ST14: variants seen among roughly 807,000 people sequenced by gnomAD.
ST14 encodes the protein suppressor of tumorigenicity 14 protein.
Under a neutral mutation model 96.5 loss-of-function variants are expected in ST14, and 40 were observed. The ratio of observed to expected loss-of-function variants is 0.41; its 90% CI spans 0.32 to 0.54. The LOEUF is 0.54. Among genes scored for constraint, ST14 ranks in the 20% least tolerant of loss-of-function variants. ST14 has a pLI of 0.17. For missense variants in ST14, 1,066 were observed against 1,188.9 expected (o/e 0.90, Z 1.52); for synonymous variants, 506 against 492.1 (o/e 1.03, Z -0.37).
intron 1 of ST14, among the ~76,000 whole-genome samples, chr11:130,173,119 A>G (rs1953108215): frequency 6.6e-6 from 1 of 152,176 alleles, no homozygotes; most frequent in Admixed American, 6.5e-5. Context: ...AAGTGGGTTA[A>G]TAACCACTTA....
At chr11:130,194,119 C>T in intron 7 of ST14, 30 bp from the exon 8 acceptor site, 1 of 1,614,124 alleles carries the variant, frequency 6.2e-7, no homozygotes, top group Non-Finnish European at 8.5e-7. Context: ...TCTGTCTGCT[C>T]TTCCTAATGC....
chr11:130,204,454 G>C (rs1274534786), intron 16 of ST14, among the ~76,000 whole-genome samples: 1 of 152,194 alleles, frequency 6.6e-6, no homozygotes, highest in East Asian at 1.9e-4. Context: ...ATTGGGCATA[G>C]CCTAGGTTGG....
At position 130,188,944 on chromosome 11, in the gene ST14, G is replaced by T. The variant is rs749543571; in HGVS notation, c.440+5G>T. On this transcript the variant is annotated splice_donor_5th_base_variant and intron_variant, in intron 4 of 18. Transcript: ENST00000278742. This position sits in a 1 kb window ranked among gnomAD's most constrained non-coding sequence, Gnocchi z 5.4. ...GTCGGCTGTGACGGCCTTCAGGTGG[G>T]TGTGGAGAGAAGGCTCAGTGGGATG... The T allele has an allele frequency of 6.2e-7, 1 of 1,607,972 alleles. No individual in the cohort carries two copies. The highest frequency in any genetic ancestry group is 8.5e-7 in the Non-Finnish European group (1 of 1,177,654).
rs749533787 is a variant in ST14, at chr11:130,197,861, T to A, written c.1375T>A (p.Cys459Ser). 1 of 1,586,986 alleles carries A rather than the reference T, an allele frequency of 6.3e-7. No individual in the cohort carries two copies. Among genetic ancestry groups the A allele is most frequent in the Non-Finnish European group, 8.5e-7 (1 of 1,170,336 alleles). ...SSDPCPGQFT[C>S]RTGRCIRKEL... Reference sequence around the variant, plus strand: ...CGCAGCATGCCCGGGGCAGTTCACGTGCCGCACGGGGCGGTGTATCCGGAA... The same window carrying A: ...CGCAGCATGCCCGGGGCAGTTCACGAGCCGCACGGGGCGGTGTATCCGGAA... Residue 459 changes from cysteine (C) to serine (S), a missense_variant, in exon 12 of 19, where the codon TGC becomes AGC. By Grantham distance (112) the Cys-to-Ser change is moderately radical (BLOSUM62 -1). Transcript: ENST00000278742.
In ST14 at chr11:130,207,668, G is replaced by A. The variant is rs567660010; in HGVS notation, c.1995-742G>A. Among the ~76,000 whole-genome samples the A allele has an allele frequency of 5.3e-5, 8 of 152,364 alleles. No individual in the cohort carries two copies. In the South Asian group the frequency reaches 8.3e-4, roughly 16 times the overall value. On this transcript the variant is annotated intron_variant, in intron 16 of 18. Coordinates refer to ENST00000278742, the MANE Select transcript of ST14 (RefSeq NM_021978.4). ...GGTGGGCTCCGGCTCTGCAGTGCAC[G>A]TGGAAAAGCTTCTGAATTGCTAAAC... is the stretch of plus-strand genomic sequence containing the variant.
chr11:130,189,920 G>A (rs1051203004), intron 5 of ST14, 24 bp downstream of exon 5: 3 of 1,613,410 alleles, frequency 1.9e-6, no homozygotes, highest in Non-Finnish European at 2.5e-6. Flanking sequence ...CCAGGGGTGG[G>A]CGTGGGACTG....
At chr11:130,207,805 G>T (rs765935783) in intron 16 of ST14, among the ~76,000 whole-genome samples, 6 of 152,228 alleles carry the variant, frequency 3.9e-5, no homozygotes, top group Non-Finnish European at 8.8e-5. Context: ...GGGCGTGGTG[G>T]CTCACGCCTG....
chr11:130,163,217 C>T (rs1953012071), intron 1 of ST14, among the ~76,000 whole-genome samples: 1 of 152,156 alleles, frequency 6.6e-6, no homozygotes, highest in South Asian at 2.1e-4. Context: ...CTGCCAAACA[C>T]AGGGAAGTGC....
At chr11:130,182,157 A>G (rs1230183196) in intron 1 of ST14, among the ~76,000 whole-genome samples, 1 of 152,252 alleles carries the variant, frequency 6.6e-6, no homozygotes, top group African/African-American at 2.4e-5. Flanking sequence ...TGCCTTCTTT[A>G]TATAACACGG....
intron 16 of ST14, among the ~76,000 whole-genome samples, chr11:130,203,048 T>C (rs1953447546): frequency 6.6e-6 from 1 of 152,156 alleles, no homozygotes; most frequent in African/African-American, 2.4e-5. Flanking sequence ...AGTCTGCTGA[T>C]AGAATCAAAT....
intron 6 of ST14, 74 bp from the exon 7 acceptor site, chr11:130,190,380 G>T: frequency 6.3e-7 from 1 of 1,593,850 alleles, no homozygotes; most frequent in Non-Finnish European, 8.5e-7. Flanking sequence ...CCACACCCAC[G>T]GGGTCTCAGG....
chr11:130,205,348 G>A (rs1442105705), intron 16 of ST14, among the ~76,000 whole-genome samples: 3 of 152,098 alleles, frequency 2.0e-5, no homozygotes, highest in Non-Finnish European at 2.9e-5. Flanking sequence ...GCCTGGTCTC[G>A]AACTCGTGAC....
intron 1 of ST14, among the ~76,000 whole-genome samples, chr11:130,171,185 TG>T (rs1953089363): frequency 6.6e-6 from 1 of 152,192 alleles, no homozygotes; most frequent in Non-Finnish European, 1.5e-5. Flanking sequence ...ACCTGATGAG[TG>T]TGGATGTATG....
chr11:130,170,275 G>A (rs1359454415), intron 1 of ST14, among the ~76,000 whole-genome samples: 1 of 152,114 alleles, frequency 6.6e-6, no homozygotes, highest in African/African-American at 2.4e-5. Flanking sequence ...TTGGTTGAGG[G>A]CACTTGGCAA....
At chr11:130,165,242 T>C (rs376768273) in intron 1 of ST14, among the ~76,000 whole-genome samples, 2 of 152,150 alleles carry the variant, frequency 1.3e-5, no homozygotes, top group African/African-American at 4.8e-5. Flanking sequence ...ATACTAAAGG[T>C]TGACAATTCA....
chr11:130,167,180 C>T (rs1953048763), intron 1 of ST14, among the ~76,000 whole-genome samples: 1 of 152,186 alleles, frequency 6.6e-6, no homozygotes, highest in African/African-American at 2.4e-5. Flanking sequence ...CATTGCACTC[C>T]AGCCTGGGTG....
intron 11 of ST14, among the ~76,000 whole-genome samples, chr11:130,197,424 A>G (rs1227822265): frequency 1.3e-5 from 2 of 152,256 alleles, no homozygotes; most frequent in Non-Finnish European, 2.9e-5. Flanking sequence ...GCGATGCCGC[A>G]CTACATTTGG....
In ST14 at chr11:130,188,465, G is replaced by A; in HGVS notation, c.242-65G>A. On this transcript the variant is annotated intron_variant, in intron 2 of 18. Coordinates refer to ENST00000278742, the MANE Select transcript of ST14 (RefSeq NM_021978.4). The surrounding 1 kb of genome is among the most constrained non-coding windows in gnomAD (Gnocchi z 5.4). The stretch of plus-strand genomic sequence containing the variant: ...CTCCTGGCATTCATTCCCCATTGTG[G>A]ACGGCGAGGGACAGGCGGGGGTGGT... 6.2e-7 allele frequency: 1 copy of A among 1,610,928 alleles called. No homozygotes were observed. The highest frequency in any genetic ancestry group is 2.2e-5 in the East Asian group (1 of 44,854).
At chr11:130,160,102 C>A in intron 1 of ST14, 42 bp downstream of exon 1, 2 of 1,321,182 alleles carry the variant, frequency 1.5e-6, no homozygotes, top group Non-Finnish European at 2.0e-6. Flanking sequence ...GAAGCTCCTG[C>A]CCGCCCGACC....
Sources: allele counts gnomAD v4.1 joint callset (sites outside exome capture counted in the v4.1 genomes callset), GRCh38; gene constraint gnomAD v4.1.1; non-coding constraint Gnocchi (gnomAD v3.1); transcripts MANE v1.5; gene names NCBI Gene and HGNC (gene_info 2026-07-23, HGNC 2026-07-21).